SPECC1: variants seen among roughly 807,000 people sequenced by gnomAD.
SPECC1 encodes cytospin-B.
Under a neutral mutation model 104.1 loss-of-function variants are expected in SPECC1, and 62 were observed. The ratio of observed to expected loss-of-function variants is 0.60; its 90% CI spans 0.49 to 0.74. The LOEUF (loss-of-function observed/expected upper bound fraction) is 0.74, where lower values mean the gene tolerates loss of function less well. SPECC1 is among the 30% of genes least tolerant of loss of function. SPECC1 has a pLI of 0.00. For synonymous variants in SPECC1, 513 were observed against 501.6 expected, an observed-to-expected ratio of 1.02 and a Z score of -0.30; for missense variants, 1,306 against 1,310.5, an observed-to-expected ratio of 1.00 and a Z score of 0.05.
At chr17:20,169,056 A>G (rs565636070) in intron 3 of SPECC1, among the ~76,000 whole-genome samples, 14 of 152,198 alleles carry the variant, frequency 9.2e-5, no homozygotes, top group Admixed American at 4.6e-4. Flanking sequence ...TATTTTTTGT[A>G]GAGACGGGGT....
chr17:20,125,247 T>C (rs1384704303), intron 3 of SPECC1, among the ~76,000 whole-genome samples: 1 of 152,208 alleles, frequency 6.6e-6, no homozygotes, highest in Non-Finnish European at 1.5e-5. Context: ...CCTAATTTAC[T>C]GGAAGTGAAA....
At chr17:20,072,652 A>G (rs1203987531) in intron 1 of SPECC1, among the ~76,000 whole-genome samples, 1 of 152,212 alleles carries the variant, frequency 6.6e-6, no homozygotes, top group Non-Finnish European at 1.5e-5. Flanking sequence ...GAGTCTGAGT[A>G]TGGAGGTTAG....
chr17:20,062,409 C>T (rs947687667), intron 1 of SPECC1, among the ~76,000 whole-genome samples: 4 of 152,144 alleles, frequency 2.6e-5, no homozygotes, highest in Admixed American at 2.0e-4. Flanking sequence ...TTCATCCAGG[C>T]TGAAGTGCAG....
At chr17:20,169,606 G>A (rs1028946278) in intron 3 of SPECC1, among the ~76,000 whole-genome samples, 9 of 151,798 alleles carry the variant, frequency 5.9e-5, no homozygotes, top group Non-Finnish European at 1.2e-4. Context: ...ATAAAATAAG[G>A]GTATGTGTGC....
chr17:20,298,637 CAT>C (rs1164615495), intron 13 of SPECC1, among the ~76,000 whole-genome samples: 1 of 152,054 alleles, frequency 6.6e-6, no homozygotes, highest in Non-Finnish European at 1.5e-5. Context: ...GACGGAAAGA[CAT>C]AGAAGGATTT....
At chr17:20,072,354 G>C (rs1446767530) in intron 1 of SPECC1, among the ~76,000 whole-genome samples, 1 of 152,234 alleles carries the variant, frequency 6.6e-6, no homozygotes, top group East Asian at 1.9e-4. Context: ...AATTGAGTTA[G>C]GTGTCTGTCA....
At chr17:20,220,925 G>C (rs1470713054) in intron 4 of SPECC1, among the ~76,000 whole-genome samples, 1 of 152,144 alleles carries the variant, frequency 6.6e-6, no homozygotes, top group Non-Finnish European at 1.5e-5. Context: ...TTCAGCATCA[G>C]TTGAAATGAC....
At chr17:20,224,842 C>T (rs935267288) in intron 4 of SPECC1, among the ~76,000 whole-genome samples, 2 of 151,912 alleles carry the variant, frequency 1.3e-5, no homozygotes, top group Non-Finnish European at 2.9e-5. Context: ...CTTTACTCTT[C>T]CCTCTGCTTT....
chr17:20,253,507 G>C lies in SPECC1; in HGVS notation c.2601G>C (p.Arg867Ser). Reference sequence around the variant, plus strand: ...TGGTGTCCCCCTGGTTTTTACAGAGGCATTCGACTTACAGCAGTGTGCGGC... The same window carrying C: ...TGGTGTCCCCCTGGTTTTTACAGAGCCATTCGACTTACAGCAGTGTGCGGC... Reference protein sequence around the residue: ...APAAAVSPMQRHSTYSSVRPA... With the variant: ...APAAAVSPMQSHSTYSSVRPA... Residue 867 changes from arginine (R) to serine (S), a missense_variant and splice_region_variant, in exon 10 of 15, where the codon AGG (arginine) becomes AGC (serine). Coordinates refer to ENST00000395527, the MANE Select transcript of SPECC1 (RefSeq NM_001243439.2). 6.2e-7 allele frequency: 1 copy of C among 1,613,864 alleles called. No individual in the cohort carries two copies. The highest frequency in any genetic ancestry group is 8.5e-7 in the Non-Finnish European group (1 of 1,180,028).
At chr17:20,260,618 G>A (rs1179924766) in intron 12 of SPECC1, among the ~76,000 whole-genome samples, 4 of 152,200 alleles carry the variant, frequency 2.6e-5, no homozygotes, top group South Asian at 2.1e-4. Context: ...CTGTCAATGC[G>A]ATAGAAATTG....
chr17:20,106,850 CTGT>C lies in SPECC1; in HGVS notation c.148-3572_148-3570del, dbSNP rs773241595. Among the ~76,000 whole-genome samples the C allele has an allele frequency of 9.3e-4, 141 of 152,158 alleles. 1 individual carries two copies. The highest frequency in any genetic ancestry group is 1.8e-3 in the Non-Finnish European group (121 of 67,998). Reference sequence around the variant, plus strand: ...CCAGTTGCTAAATTAGGGGACTGTGCTGTTGTTCAGAAAATGTGGTCGTGGGCC... The same window carrying C: ...CCAGTTGCTAAATTAGGGGACTGTGCTGTTCAGAAAATGTGGTCGTGGGCC... On this transcript the variant is annotated intron_variant, in intron 2 of 14. Transcript: ENST00000395527.
intron 3 of SPECC1, among the ~76,000 whole-genome samples, chr17:20,151,147 A>C (rs1405794476): frequency 6.6e-6 from 1 of 152,232 alleles, no homozygotes; most frequent in Non-Finnish European, 1.5e-5. Flanking sequence ...TAATTTAGAA[A>C]TTACAGACAG....
At chr17:20,171,272 T>A (rs1378340925) in intron 3 of SPECC1, among the ~76,000 whole-genome samples, 1 of 152,162 alleles carries the variant, frequency 6.6e-6, no homozygotes, top group Non-Finnish European at 1.5e-5. Context: ...CTGTTTGTAT[T>A]TGTGTTTCTG....
At chr17:20,086,396 C>T (rs573722105) in intron 1 of SPECC1, among the ~76,000 whole-genome samples, 1 of 152,200 alleles carries the variant, frequency 6.6e-6, no homozygotes, top group Non-Finnish European at 1.5e-5. Context: ...CCTCAGCCAG[C>T]CTCTTCACAT....
At chr17:20,307,170 A>G (rs1297899506) in intron 14 of SPECC1, among the ~76,000 whole-genome samples, 2 of 152,250 alleles carry the variant, frequency 1.3e-5, no homozygotes, top group African/African-American at 4.8e-5. Flanking sequence ...ATTAAAAAAT[A>G]TAAAATATAA....
At chr17:20,313,597 C>T (rs560768524) in intron 14 of SPECC1, among the ~76,000 whole-genome samples, 16 of 152,106 alleles carry the variant, frequency 1.1e-4, no homozygotes, top group South Asian at 2.1e-4. Flanking sequence ...CGTAATAGCG[C>T]GTGCAGTGTG....
intron 1 of SPECC1, among the ~76,000 whole-genome samples, chr17:20,031,638 TACCCATTC>T (rs1372781518): frequency 2.6e-5 from 4 of 152,216 alleles, no homozygotes; most frequent in African/African-American, 9.6e-5. Flanking sequence ...TGAAATTCTG[TACCCATTC>T]AACAATAACT....
chr17:20,193,869 A>C (rs1567922869), intron 3 of SPECC1, among the ~76,000 whole-genome samples: 2 of 152,236 alleles, frequency 1.3e-5, no homozygotes, highest in Non-Finnish European at 2.9e-5. Flanking sequence ...TTTTTACATT[A>C]TCCATCCCTC....
chr17:20,043,542 G>C (rs1292822922), intron 1 of SPECC1, among the ~76,000 whole-genome samples: 1 of 151,996 alleles, frequency 6.6e-6, no homozygotes, highest in Non-Finnish European at 1.5e-5. Context: ...ATTCATTACT[G>C]TCATGTTTTT....
Sources: gnomAD v4.1 joint callset for allele counts (sites outside exome capture counted in the v4.1 genomes callset) on GRCh38, gnomAD v4.1.1 for gene constraint, MANE v1.5 for transcripts, NCBI Gene and HGNC (gene_info 2026-07-23, HGNC 2026-07-21) for gene names.